The following SOX30 variants were observed in gnomAD, a reference collection of about 807,000 sequenced individuals.
SOX30 encodes transcription factor SOX-30.
SOX30 carries 17 observed loss-of-function variants against 58.6 expected under a neutral mutation model. The observed-to-expected ratio is 0.29, with a 90% CI of 0.20 to 0.44. The LOEUF is 0.44. SOX30 is among the 20% of genes least tolerant of loss of function. The probability of loss-of-function intolerance (pLI) is 1.00; values close to 1 mark genes in which losing one functional copy is unlikely to be tolerated. For synonymous variants in SOX30, 421 were observed against 400.2 expected (o/e 1.05, Z -0.62); for missense variants, 951 against 965.8 (o/e 0.98, Z 0.20).
chr5:157,639,506 A>C (rs1320685100), intron 3 of SOX30, among the ~76,000 whole-genome samples: 1 of 152,232 alleles, frequency 6.6e-6, no homozygotes, highest in African/African-American at 2.4e-5. Flanking sequence ...CCACATGTCA[A>C]CCACTGGTGA....
Position 157,646,603 on chromosome 5 carries a change from T to TA in SOX30, c.1387+33dup, listed in dbSNP as rs758864622. On this transcript the variant is annotated intron_variant, in intron 3 of 4. Coordinates refer to ENST00000265007, the MANE Select transcript of SOX30 (RefSeq NM_178424.2). Reference sequence around the variant, plus strand: ...GAGGTAAAATTTTCTTGCAGCTATTTAAAAAATAGTAATCTACAATAAAAC... The same window carrying TA: ...GAGGTAAAATTTTCTTGCAGCTATTTAAAAAAATAGTAATCTACAATAAAAC... 1.8e-4 allele frequency: 278 copies of TA among 1,511,318 alleles called. 5 individuals are homozygous for TA. In the South Asian group the frequency reaches 2.9e-3, roughly 16 times the overall value. The allele number at this position is 1,511,318 out of a possible 1,614,324, so 93.6% of individuals were successfully genotyped here. A position where few individuals can be genotyped will look rare whatever the true frequency, so the allele number is the denominator to read the frequency against.
At chr5:157,631,057 A>ATATATACAATATATATATTT (rs1758792139) in intron 4 of SOX30, among the ~76,000 whole-genome samples, 1 of 48,560 alleles carries the variant, frequency 2.1e-5, no homozygotes, top group African/African-American at 6.7e-5. Context: ...TTATATATAT[A>ATATATACAATATATATATTT]TATATATATA....
intron 1 of SOX30, 105 bp from the exon 2 acceptor site, chr5:157,649,001 G>C (rs779127032): frequency 1.8e-4 from 251 of 1,419,360 alleles, no homozygotes; most frequent in Non-Finnish European, 2.3e-4. Flanking sequence ...TGAAATATCT[G>C]GAGGAAATAT....
intron 1 of SOX30, among the ~76,000 whole-genome samples, chr5:157,650,316 C>T (rs1759298146): frequency 6.6e-6 from 1 of 151,486 alleles, no homozygotes; most frequent in Non-Finnish European, 1.5e-5. Context: ...GAAGAATCAA[C>T]ACAGAAAATT....
At position 157,658,082 on chromosome 5, in the gene SOX30, A is replaced by G. The variant is rs1388385106; in HGVS notation, c.53-9186T>C. ...ATCTTGGGACCCCAAGAGGAGGGGA[A>G]TTTACTCATCTCATAGGTATTTGAG... On this transcript the variant is annotated intron_variant, in intron 2 of 5. Coordinates refer to the SOX30 transcript ENST00000519442. Among the ~76,000 whole-genome samples the G allele has an allele frequency of 2.6e-5, 4 of 152,290 alleles. 1 individual carries two copies. The East Asian group carries it at 7.7e-4, about 29-fold the overall frequency.
At chr5:157,647,148 G>C (rs80173401) in intron 2 of SOX30, among the ~76,000 whole-genome samples, 1 of 148,706 alleles carries the variant, frequency 6.7e-6, no homozygotes, top group Non-Finnish European at 1.5e-5. Context: ...TGCAACCTCC[G>C]CCTCCCAGGT....
rs1410957399 is a variant in SOX30, at chr5:157,626,411, AAGG to A, written c.2188_2190del (p.Pro730del). 3 of 1,613,996 alleles carry A rather than the reference AAGG, an allele frequency of 1.9e-6. No individual in the cohort carries two copies. The African/African-American group carries it at 4.0e-5, about 22-fold the overall frequency. On this transcript the variant is annotated inframe_deletion, in exon 5 of 5. Transcript: ENST00000265007. Reference sequence around the variant, plus strand: ...GTGACATTGACTTGCTGGATGCTAGAAGGAGTTGATGTCGGGGCTGTGAAGACA... The same window carrying A: ...GTGACATTGACTTGCTGGATGCTAGAAGTTGATGTCGGGGCTGTGAAGACA...
intron 2 of SOX30, among the ~76,000 whole-genome samples, chr5:157,663,689 T>C (rs1009010018): frequency 6.6e-6 from 1 of 152,206 alleles, no homozygotes; most frequent in Non-Finnish European, 1.5e-5. Flanking sequence ...GACATGATTG[T>C]ATATTTAGAA....
chr5:157,628,365 T>TCACACACACACACACACACACA (rs70984476), intron 4 of SOX30, among the ~76,000 whole-genome samples: 39 of 139,706 alleles, frequency 2.8e-4, no homozygotes, highest in African/African-American at 9.7e-4. Context: ...TTTCTGGCCT[T>TCACACACACACACACACACACA]CACACACACA....
intron 3 of SOX30, among the ~76,000 whole-genome samples, chr5:157,641,061 A>G (rs1759048906): frequency 6.6e-6 from 1 of 152,178 alleles, no homozygotes; most frequent in African/African-American, 2.4e-5. Flanking sequence ...ACTGAGAGCC[A>G]AGAACTTTAC....
chr5:157,664,802 C>T (rs1011621164), intron 2 of SOX30, among the ~76,000 whole-genome samples: 10 of 152,116 alleles, frequency 6.6e-5, no homozygotes, highest in African/African-American at 2.4e-4. Context: ...TGAACAGACC[C>T]TTCTCAAAAG....
chr5:157,666,984 G>T (rs900906930), intron 2 of SOX30, among the ~76,000 whole-genome samples: 13 of 152,182 alleles, frequency 8.5e-5, no homozygotes, highest in African/African-American at 3.1e-4. Context: ...GGGATTACAG[G>T]CATGAGCCAC....
intron 1 of SOX30, among the ~76,000 whole-genome samples, chr5:157,650,832 A>T (rs1759310947): frequency 6.6e-6 from 1 of 152,246 alleles, no homozygotes; most frequent in African/African-American, 2.4e-5. Flanking sequence ...TGCGCTGTCT[A>T]GCAAGAATAT....
Position 157,652,382 on chromosome 5 carries a change from A to C in SOX30, c.-304T>G, listed in dbSNP as rs1268904634. On this transcript the variant is annotated 5_prime_UTR_variant, in exon 1 of 5. Transcript: ENST00000265007. ...CATTTTCGTTCTGACTCTCTTGTGG[A>C]GTTCTCTTACAGCCGTTGTCTTTAG... The C allele has an allele frequency of 8.9e-7, 1 of 1,123,140 alleles. No homozygotes were observed. The highest frequency in any genetic ancestry group is 1.6e-5 in the African/African-American group (1 of 61,790). 69.6% of individuals were successfully genotyped at this position (1,123,140 alleles called of 1,614,324 possible). A position where few individuals can be genotyped will look rare whatever the true frequency, so the allele number is the denominator to read the frequency against.
intron 2 of SOX30, among the ~76,000 whole-genome samples, chr5:157,647,052 G>A (rs1759209536): frequency 6.9e-6 from 1 of 145,138 alleles, no homozygotes; most frequent in Admixed American, 6.9e-5. Flanking sequence ...TTGAAAAGAA[G>A]AGGGTCAAAT....
chr5:157,651,614 G>T lies in SOX30; in HGVS notation c.465C>A (p.Ala155=), dbSNP rs773639235. 11 of 1,612,754 alleles carry T rather than the reference G, an allele frequency of 6.8e-6. No individual in the cohort carries two copies. Among genetic ancestry groups the T allele is most frequent in the Non-Finnish European group, 8.5e-7 (1 of 1,179,844 alleles). ...SLDQSVGPRG[A]VETGPRASRV... ...TGGAGGCTCTAGGACCGGTTTCGAC[G>T]GCCCCTCGAGGCCCCACTGACTGAT... is the stretch of plus-strand genomic sequence containing the variant. The change falls in exon 1 of 5, where the codon GCC becomes GCA. Residue 155 remains alanine (A), a synonymous_variant. Transcript: ENST00000265007.
Position 157,651,779 on chromosome 5 carries a change from C to T in SOX30, c.300G>A (p.Leu100=), listed in dbSNP as rs1276275233. The T allele has an allele frequency of 1.3e-6, 2 of 1,565,714 alleles. No homozygotes were observed. Among genetic ancestry groups the T allele is most frequent in the Admixed American group, 1.9e-5 (1 of 53,512 alleles). The change falls in exon 1 of 5, where the codon CTG becomes CTA. Residue 100 remains leucine (L), a synonymous_variant. Coordinates refer to ENST00000265007, the MANE Select transcript of SOX30 (RefSeq NM_178424.2). ...EAAASSAQAR[L]LQFRPDLRLL... ...GCCGCAGGTCGGGCCTGAACTGCAA[C>T]AGCCGCGCCTGCGCGGACGAGGCAG...
At position 157,651,754 on chromosome 5, in the gene SOX30, G is replaced by A; in HGVS notation, c.325C>T (p.Leu109Phe). Residue 109 changes from leucine to phenylalanine, a missense_variant, in exon 1 of 5, where the codon CTC becomes TTC. Coordinates refer to ENST00000265007, the MANE Select transcript of SOX30 (RefSeq NM_178424.2). ...RLLQFRPDLRLLQPPTASDGA... is the reference protein window; with the variant it reads ...RLLQFRPDLRFLQPPTASDGA... The stretch of plus-strand genomic sequence containing the variant: ...TCTGACGCTGTCGGCGGCTGCAGGA[G>A]CCGCAGGTCGGGCCTGAACTGCAAC... 2 of 1,556,442 alleles carry A rather than the reference G, an allele frequency of 1.3e-6. No homozygotes were observed. The highest frequency in any genetic ancestry group is 2.4e-5 in the East Asian group (1 of 41,630).
At chr5:157,628,356 T>G (rs1758710071) in intron 4 of SOX30, among the ~76,000 whole-genome samples, 1 of 135,350 alleles carries the variant, frequency 7.4e-6, no homozygotes, top group African/African-American at 3.1e-5. Flanking sequence ...AGTGTTTCAT[T>G]TCTGGCCTTC....
Sources: gnomAD v4.1 joint callset for allele counts (sites outside exome capture counted in the v4.1 genomes callset) on GRCh38, gnomAD v4.1.1 for gene constraint, MANE v1.5 for transcripts, NCBI Gene and HGNC (gene_info 2026-07-23, HGNC 2026-07-21) for gene names.